The following MACROD2 variants were observed in gnomAD, a reference collection of about 807,000 sequenced individuals.
MACROD2 encodes mono-ADP ribosylhydrolase 2.
Under a neutral mutation model 70.4 loss-of-function variants are expected in MACROD2, and 36 were observed. That is an observed-to-expected ratio of 0.51 (90% CI 0.39 to 0.68). The LOEUF (loss-of-function observed/expected upper bound fraction) is 0.68. Ranked by LOEUF, MACROD2 falls within the 30% of genes least tolerant of loss-of-function variation. MACROD2 has a pLI of 0.00. For synonymous variants in MACROD2, 172 were observed against 178.8 expected, an observed-to-expected ratio of 0.96 and a Z score of 0.30; for missense variants, 496 against 538.4, an observed-to-expected ratio of 0.92 and a Z score of 0.78.
At chr20:15,485,678 C>T (rs2047154912) in intron 7 of MACROD2, among the ~76,000 whole-genome samples, 1 of 152,136 alleles carries the variant, frequency 6.6e-6, no homozygotes, top group Non-Finnish European at 1.5e-5. Context: ...TATTTGGTCT[C>T]TTCATTCTCC....
At chr20:15,770,084 ATTTTCTT>A (rs2051597472) in intron 8 of MACROD2, among the ~76,000 whole-genome samples, 1 of 125,704 alleles carries the variant, frequency 8.0e-6, no homozygotes, top group Admixed American at 8.0e-5. Context: ...ATTTATTTTA[ATTTTCTT>A]TTTTTTTTTT....
At chr20:14,629,626 G>A (rs1436832786) in intron 4 of MACROD2, among the ~76,000 whole-genome samples, 1 of 152,148 alleles carries the variant, frequency 6.6e-6, no homozygotes, top group East Asian at 1.9e-4. Flanking sequence ...GCTTTCCCAA[G>A]TCTTGAGTGA....
chr20:14,409,549 T>C (rs900062794), intron 3 of MACROD2, among the ~76,000 whole-genome samples: 2 of 152,116 alleles, frequency 1.3e-5, no homozygotes, highest in South Asian at 2.1e-4. Context: ...GAAATCCATG[T>C]CTATCTGAAT....
At chr20:14,102,284 G>C (rs1405069029) in intron 3 of MACROD2, among the ~76,000 whole-genome samples, 1 of 152,164 alleles carries the variant, frequency 6.6e-6, no homozygotes, top group East Asian at 1.9e-4. Context: ...TTACAGGCTT[G>C]AGCGACCGCG....
intron 8 of MACROD2, among the ~76,000 whole-genome samples, chr20:15,612,865 C>A (rs1027638308): frequency 6.6e-6 from 1 of 152,206 alleles, no homozygotes; most frequent in Non-Finnish European, 1.5e-5. Context: ...GTGTCTAGTG[C>A]ATTTTCCCAT....
intron 8 of MACROD2, among the ~76,000 whole-genome samples, chr20:15,585,994 G>C (rs1413765222): frequency 6.6e-6 from 1 of 152,084 alleles, no homozygotes; most frequent in Non-Finnish European, 1.5e-5. Flanking sequence ...TTCTGATTGG[G>C]GAAGGACAAA....
chr20:15,761,342 G>A (rs1043902133), intron 8 of MACROD2, among the ~76,000 whole-genome samples: 6 of 152,062 alleles, frequency 3.9e-5, no homozygotes, highest in African/African-American at 1.5e-4. Context: ...CTCTGTGCCC[G>A]GCCAAAAGTT....
intron 3 of MACROD2, among the ~76,000 whole-genome samples, chr20:14,207,235 T>C (rs919451464): frequency 3.3e-5 from 5 of 152,054 alleles, no homozygotes; most frequent in African/African-American, 9.7e-5. Flanking sequence ...GTAGCTGGGA[T>C]TACAGGCACA....
At chr20:15,916,890 C>T (rs558110843) in intron 10 of MACROD2, among the ~76,000 whole-genome samples, 1 of 152,338 alleles carries the variant, frequency 6.6e-6, no homozygotes, top group Admixed American at 6.5e-5. Flanking sequence ...TTCGTCAGGT[C>T]TCCCCAAAAC....
At chr20:14,822,101 C>T (rs1396843959) in intron 5 of MACROD2, among the ~76,000 whole-genome samples, 1 of 151,930 alleles carries the variant, frequency 6.6e-6, no homozygotes, top group Non-Finnish European at 1.5e-5. Context: ...GGCATGAGTA[C>T]CATAGACCTT....
rs117929690 is a variant in MACROD2, at chr20:14,340,781, G to A, written c.272-152698G>A. Among the ~76,000 whole-genome samples, 21 of 152,298 alleles carry A rather than the reference G, an allele frequency of 1.4e-4. 1 individual carries two copies. The East Asian group carries it at 4.1e-3, about 29-fold the overall frequency. On this transcript the variant is annotated intron_variant, in intron 3 of 17. Transcript: ENST00000684519. ...GATTGAAAGCAACTGGTTTGGAAAT[G>A]AACTTCAATAACATATCCCAGTTTT...
chr20:14,272,606 C>G (rs1274844637), intron 3 of MACROD2, among the ~76,000 whole-genome samples: 26 of 151,276 alleles, frequency 1.7e-4, no homozygotes, highest in Non-Finnish European at 4.4e-5. Context: ...AAATAACCAG[C>G]TAACATCATA....
chr20:14,765,720 A>T (rs564706625), intron 5 of MACROD2, among the ~76,000 whole-genome samples: 1 of 152,094 alleles, frequency 6.6e-6, no homozygotes, highest in African/African-American at 2.4e-5. Context: ...TTTAAAATAA[A>T]TCAACATATG....
intron 6 of MACROD2, among the ~76,000 whole-genome samples, chr20:15,248,023 T>C (rs915330470): frequency 1.3e-5 from 2 of 152,184 alleles, no homozygotes; most frequent in African/African-American, 4.8e-5. Flanking sequence ...AACAATATCC[T>C]GTTTGGAATT....
intron 3 of MACROD2, among the ~76,000 whole-genome samples, chr20:14,372,944 C>T (rs1205624532): frequency 6.6e-6 from 1 of 152,068 alleles, no homozygotes. Context: ...AAGCTTTCTC[C>T]TCCCTGGGGC....
intron 5 of MACROD2, among the ~76,000 whole-genome samples, chr20:14,990,507 TTC>T (rs1273355762): frequency 6.0e-5 from 9 of 149,898 alleles, no homozygotes; most frequent in Middle Eastern, 6.9e-3. Flanking sequence ...CTTTTTTTTT[TTC>T]TTTTTCTTTT....
intron 6 of MACROD2, among the ~76,000 whole-genome samples, chr20:15,365,030 C>T (rs1353342232): frequency 2.6e-5 from 4 of 152,180 alleles, no homozygotes; most frequent in Non-Finnish European, 5.9e-5. Flanking sequence ...TTCAACAGTG[C>T]ATTTGTTGGA....
intron 10 of MACROD2, among the ~76,000 whole-genome samples, chr20:15,906,428 TG>T: frequency 1.3e-5 from 2 of 152,358 alleles, no homozygotes; most frequent in South Asian, 4.1e-4. Context: ...GCCAATCTAC[TG>T]TTTCTATCCC....
At chr20:15,270,385 G>A (rs453349) in intron 6 of MACROD2, among the ~76,000 whole-genome samples, 46,574 of 151,954 alleles carry the variant, frequency 0.31, 7,529 homozygotes, top group African/African-American at 0.42. Context: ...CTATGAAGCC[G>A]TTGATATAAT....
Sources: allele counts gnomAD v4.1 joint callset (sites outside exome capture counted in the v4.1 genomes callset), GRCh38; gene constraint gnomAD v4.1.1; transcripts MANE v1.5; gene names NCBI Gene and HGNC (gene_info 2026-07-23, HGNC 2026-07-21).